Variants in BACH2 observed in about 807,000 individuals in gnomAD.
BACH2 encodes transcription regulator protein BACH2.
Under a neutral mutation model 61.8 loss-of-function variants are expected in BACH2, and 5 were observed. That is an observed-to-expected ratio of 0.08 (90% CI 0.04 to 0.17). BACH2 has a LOEUF of 0.17. BACH2 is among the 10% of genes least tolerant of loss of function. BACH2 has a pLI of 1.00. For synonymous variants in BACH2, 446 were observed against 440.1 expected, an observed-to-expected ratio of 1.01 and a Z score of -0.17; for missense variants, 824 against 1,091.1, an observed-to-expected ratio of 0.76 and a Z score of 3.45.
intron 5 of BACH2, among the ~76,000 whole-genome samples, chr6:90,065,299 T>A (rs1490695913): frequency 5.4e-5 from 5 of 92,064 alleles, no homozygotes; most frequent in African/African-American, 1.2e-4. Context: ...TTTTTTTTTT[T>A]ACCCCTGAGG....
chr6:90,226,475 A>T (rs2127858373), intron 3 of BACH2, among the ~76,000 whole-genome samples: 1 of 152,244 alleles, frequency 6.6e-6, no homozygotes, highest in East Asian at 1.9e-4. Flanking sequence ...TCAAGCTGCC[A>T]GTATGACTCA....
chr6:90,130,713 G>C (rs1784049380), intron 4 of BACH2, among the ~76,000 whole-genome samples: 1 of 152,298 alleles, frequency 6.6e-6, no homozygotes, highest in Non-Finnish European at 1.5e-5. Context: ...CTTCACCATG[G>C]GACAATACTA....
chr6:90,158,766 G>C (rs1007340321), intron 4 of BACH2, among the ~76,000 whole-genome samples: 1 of 25,500 alleles, frequency 3.9e-5, no homozygotes, highest in Non-Finnish European at 7.2e-5. Flanking sequence ...TTCTTTTGGT[G>C]GGGGGGGGGC....
intron 4 of BACH2, among the ~76,000 whole-genome samples, chr6:90,121,933 C>T (rs1783645473): frequency 6.6e-6 from 1 of 152,116 alleles, no homozygotes; most frequent in Non-Finnish European, 1.5e-5. Flanking sequence ...TGCCTTTTGC[C>T]CCCCATTTCT....
chr6:90,257,058 T>C (rs1415205418), intron 2 of BACH2, among the ~76,000 whole-genome samples: 1 of 152,260 alleles, frequency 6.6e-6, no homozygotes, highest in African/African-American at 2.4e-5. Context: ...TTTCTAGGGC[T>C]GAATAATATT....
chr6:90,227,248 C>A (rs1769945873), intron 3 of BACH2, among the ~76,000 whole-genome samples: 1 of 152,162 alleles, frequency 6.6e-6, no homozygotes, highest in Non-Finnish European at 1.5e-5. Context: ...TTGCAACTAC[C>A]AGGAGTCTGC....
At chr6:89,985,820 G>A (rs1776208103) in intron 6 of BACH2, among the ~76,000 whole-genome samples, 1 of 152,206 alleles carries the variant, frequency 6.6e-6, no homozygotes, top group African/African-American at 2.4e-5. Context: ...CAATGGTTGT[G>A]GACGAGCAGG....
intron 3 of BACH2, among the ~76,000 whole-genome samples, chr6:90,220,276 T>A (rs1769696767): frequency 6.6e-6 from 1 of 152,086 alleles, no homozygotes; most frequent in Admixed American, 6.5e-5. Context: ...TTTCTTCCTG[T>A]CCCCCTAAGA....
intron 4 of BACH2, among the ~76,000 whole-genome samples, chr6:90,129,698 T>C (rs1784014051): frequency 2.0e-5 from 3 of 152,176 alleles, no homozygotes; most frequent in South Asian, 4.1e-4. Context: ...GTTAGCTGTA[T>C]TCCTAGGTAT....
At chr6:90,018,627 T>C (rs569043004) in intron 5 of BACH2, among the ~76,000 whole-genome samples, 8 of 152,356 alleles carry the variant, frequency 5.3e-5, no homozygotes, top group Admixed American at 4.6e-4. Flanking sequence ...AAACACTTTA[T>C]AAACAATAAC....
rs562753021 is a variant in BACH2, at chr6:90,069,999, G to C, written c.-13+18962C>G. 4.6e-5 allele frequency among the ~76,000 whole-genome samples: 7 copies of C among 152,280 alleles called. No homozygotes were observed. In the South Asian group the frequency reaches 1.5e-3, roughly 32 times the overall value. On this transcript the variant is annotated intron_variant, in intron 5 of 8. Transcript: ENST00000257749. Reference sequence around the variant, plus strand: ...TCTCCTGTCTTCCTCAGCTCCAGAGGGTGGAATGAGGCTGACAACACGATC... The same window carrying C: ...TCTCCTGTCTTCCTCAGCTCCAGAGCGTGGAATGAGGCTGACAACACGATC...
intron 4 of BACH2, among the ~76,000 whole-genome samples, chr6:90,102,839 T>TAA (rs1554246226): frequency 1.6e-5 from 2 of 122,220 alleles, no homozygotes; most frequent in Non-Finnish European, 3.4e-5. Flanking sequence ...ATAATAATAA[T>TAA]AAAAATAAAA....
chr6:89,933,363 C>T (rs1198857074), intron 8 of BACH2, among the ~76,000 whole-genome samples: 1 of 152,032 alleles, frequency 6.6e-6, no homozygotes. Context: ...GTAAAAAGAT[C>T]TGTGGTTGTT....
At chr6:89,973,186 G>C (rs1354287150) in intron 6 of BACH2, among the ~76,000 whole-genome samples, 2 of 152,106 alleles carry the variant, frequency 1.3e-5, no homozygotes, top group African/African-American at 4.8e-5. Context: ...GGGATCGTTT[G>C]AGCCCAAGAG....
At chr6:90,181,472 T>A (rs549908457) in intron 4 of BACH2, among the ~76,000 whole-genome samples, 33 of 151,910 alleles carry the variant, frequency 2.2e-4, no homozygotes, top group East Asian at 1.7e-3. Flanking sequence ...GTTTTTTTTT[T>A]AAAAATGGGG....
chr6:90,026,427 A>T (rs1778640697), intron 5 of BACH2, among the ~76,000 whole-genome samples: 1 of 152,212 alleles, frequency 6.6e-6, no homozygotes, highest in Non-Finnish European at 1.5e-5. Flanking sequence ...TTCCATGTGA[A>T]GTCAAGAAGC....
intron 3 of BACH2, among the ~76,000 whole-genome samples, chr6:90,232,871 C>G (rs1244022376): frequency 6.6e-6 from 1 of 152,134 alleles, no homozygotes; most frequent in African/African-American, 2.4e-5. Context: ...AATTCCTAGC[C>G]TCATTTTCTC....
At chr6:90,223,379 T>C (rs1004117505) in intron 3 of BACH2, among the ~76,000 whole-genome samples, 8 of 152,206 alleles carry the variant, frequency 5.3e-5, no homozygotes, top group Non-Finnish European at 4.4e-5. Flanking sequence ...GCCTACAAAA[T>C]GTTCCATAAT....
At chr6:90,186,787 G>A (rs937395120) in intron 4 of BACH2, among the ~76,000 whole-genome samples, 1 of 152,132 alleles carries the variant, frequency 6.6e-6, no homozygotes, top group Non-Finnish European at 1.5e-5. Context: ...GCTCTGGAAG[G>A]TAAGCATTTC....
Sources: gnomAD v4.1 joint callset for allele counts (sites outside exome capture counted in the v4.1 genomes callset) on GRCh38, gnomAD v4.1.1 for gene constraint, MANE v1.5 for transcripts, NCBI Gene and HGNC (gene_info 2026-07-23, HGNC 2026-07-21) for gene names.